The following ANKRD52 variants were observed in gnomAD, a reference collection of about 807,000 sequenced individuals.
ANKRD52 encodes the protein ankyrin repeat domain 52.
Under a neutral mutation model 116.0 loss-of-function variants are expected in ANKRD52, and 7 were observed. That is an observed-to-expected ratio of 0.06 (90% CI 0.03 to 0.11). The LOEUF (loss-of-function observed/expected upper bound fraction) is 0.11, where lower values mean the gene tolerates loss of function less well. Ranked by LOEUF, ANKRD52 falls within the 10% of genes least tolerant of loss-of-function variation. The pLI is 1.00. For synonymous variants in ANKRD52, 528 were observed against 578.1 expected (o/e 0.91, Z 1.24); for missense variants, 839 against 1,408.6 (o/e 0.60, Z 6.47).
At position 56,238,489 on chromosome 12, in the gene ANKRD52, GT is replaced by G. The variant is rs2135869960; in HGVS notation, c.*4652del. On this transcript the variant is annotated 3_prime_UTR_variant, in exon 28 of 28. Transcript: ENST00000267116. ...GGTCCCCACCCCAACCCTCTCCCCTGTCTTGCTGTCCCCCGCAGGGGAACTA... is the reference window on the plus strand; with the variant it reads ...GGTCCCCACCCCAACCCTCTCCCCTGCTTGCTGTCCCCCGCAGGGGAACTA... 1 of 150,940 alleles carries G rather than the reference GT, an allele frequency of 6.6e-6. No homozygotes were observed. Among genetic ancestry groups the G allele is most frequent in the East Asian group, 2.0e-4 (1 of 5,124 alleles). The allele number at this position is 150,940 out of a possible 1,614,324, so 9.4% of individuals were successfully genotyped here. A position where few individuals can be genotyped will look rare whatever the true frequency, so the allele number is the denominator to read the frequency against.
chr12:56,257,417 G>T (rs1872008125), intron 2 of ANKRD52, 56 bp from the exon 3 acceptor site: 1 of 1,442,642 alleles, frequency 6.9e-7, no homozygotes, highest in Non-Finnish European at 9.5e-7. Context: ...GGCTATCAAG[G>T]ACCCCAGCCC....
At position 56,242,161 on chromosome 12, in the gene ANKRD52, C is replaced by G. The variant is rs947875994; in HGVS notation, c.*981G>C. The G allele has an allele frequency of 5.0e-6, 2 of 398,478 alleles. No individual in the cohort carries two copies. The highest frequency in any genetic ancestry group is 7.1e-5 in the East Asian group (2 of 28,090). The allele number at this position is 398,478 out of a possible 1,614,324, so 24.7% of individuals were successfully genotyped here. A position where few individuals can be genotyped will look rare whatever the true frequency, so the allele number is the denominator to read the frequency against. ...GGCGGCACAGGAGGAAGAACATGGT[C>G]CCTCCCTCCATATACATGCAAACAC... On this transcript the variant is annotated 3_prime_UTR_variant, in exon 28 of 28. Transcript: ENST00000267116. This position sits in a 1 kb window ranked among gnomAD's most constrained non-coding sequence, Gnocchi z 4.3.
rs1871302292 is a variant in ANKRD52 at position 56,244,441 on chromosome 12, A to G, written c.2723-6T>C. ...CCCTCGATACAGCAGAAATTCTACGAGAGAAATGTGATAGAGGGACTGACC... is the reference window on the plus strand; with the variant it reads ...CCCTCGATACAGCAGAAATTCTACGGGAGAAATGTGATAGAGGGACTGACC... On this transcript the variant is annotated splice_polypyrimidine_tract_variant and splice_region_variant and intron_variant, in intron 24 of 27. Coordinates refer to ENST00000267116, the MANE Select transcript of ANKRD52 (RefSeq NM_173595.4). This position sits in a 1 kb window ranked among gnomAD's most constrained non-coding sequence, Gnocchi z 4.9. 6.2e-7 allele frequency: 1 copy of G among 1,613,772 alleles called. No homozygotes were observed. The highest frequency in any genetic ancestry group is 8.5e-7 in the Non-Finnish European group (1 of 1,179,840).
At position 56,244,601 on chromosome 12, in the gene ANKRD52, C is replaced by G; in HGVS notation, c.2722+51G>C. 6.2e-7 allele frequency: 1 copy of G among 1,609,364 alleles called. No homozygotes were observed. The highest frequency in any genetic ancestry group is 8.5e-7 in the Non-Finnish European group (1 of 1,177,514). On this transcript the variant is annotated intron_variant, in intron 24 of 27. Transcript: ENST00000267116. This position sits in a 1 kb window ranked among gnomAD's most constrained non-coding sequence, Gnocchi z 4.9. ...CCTCCACAGGCAGGGCTGACCCATC[C>G]TGCAAATGCCCCAGGGGAGCTCCTC...
rs760730978 is a variant in ANKRD52, at chr12:56,252,961, G to A, written c.1183+43C>T. 17 of 1,589,264 alleles carry A rather than the reference G, an allele frequency of 1.1e-5. No homozygotes were observed. The highest frequency in any genetic ancestry group is 1.5e-5 in the Non-Finnish European group (17 of 1,167,190). ...GTTCAGCAGGGAGGGAAAGGCCTTT[G>A]CTCTCCTATACACCTGCCAATCCCC... On this transcript the variant is annotated intron_variant, in intron 11 of 27. Transcript: ENST00000267116. The surrounding 1 kb of genome is among the most constrained non-coding windows in gnomAD (Gnocchi z 4.7).
rs370448193 is a variant in ANKRD52, at chr12:56,254,151, C to T, written c.822G>A (p.Thr274=). Residue 274 remains threonine (T), a synonymous_variant, in exon 8 of 28, where the codon ACG becomes ACA. Transcript: ENST00000267116. This position sits in a 1 kb window ranked among gnomAD's most constrained non-coding sequence, Gnocchi z 4.6. ...TGGAGACTGCAGCCACATGCAGTGG[C>T]GTGAAGCCCTTGTCATTCGGCTGGT... is the stretch of plus-strand genomic sequence containing the variant. ...NVNQPNDKGF[T]PLHVAAVSTN... 19 of 1,613,768 alleles carry T rather than the reference C, an allele frequency of 1.2e-5. No individual in the cohort carries two copies. The highest frequency in any genetic ancestry group is 4.5e-5 in the East Asian group (2 of 44,866).
At position 56,240,968 on chromosome 12, in the gene ANKRD52, C is replaced by A. The variant is rs1202652296; in HGVS notation, c.*2174G>T. The A allele has an allele frequency of 2.0e-5, 3 of 152,232 alleles. No homozygotes were observed. The highest frequency in any genetic ancestry group is 4.4e-5 in the Non-Finnish European group (3 of 68,060). 9.4% of individuals were successfully genotyped at this position (152,232 alleles called of 1,614,324 possible). On this transcript the variant is annotated 3_prime_UTR_variant, in exon 28 of 28. Coordinates refer to ENST00000267116, the MANE Select transcript of ANKRD52 (RefSeq NM_173595.4). This position sits in a 1 kb window ranked among gnomAD's most constrained non-coding sequence, Gnocchi z 4.2. ...CCATCTTCTCACTCCCCTTGCCCCC[C>A]ACCACCTAATTCCCAGCACCAAGAT...
At chr12:56,257,761 G>C in intron 2 of ANKRD52, 67 bp downstream of exon 2, 2 of 1,493,224 alleles carry the variant, frequency 1.3e-6, no homozygotes, top group South Asian at 1.2e-5. Flanking sequence ...CGCCCCACCG[G>C]TGGGGAGGGG....
In ANKRD52 at chr12:56,256,984, T is replaced by C. The variant is rs750847877; in HGVS notation, c.261+31A>G. On this transcript the variant is annotated intron_variant, in intron 4 of 27. Coordinates refer to ENST00000267116, the MANE Select transcript of ANKRD52 (RefSeq NM_173595.4). ...CCACCTTTAAGCAACTTATCCTTTT[T>C]GAAAGGGTAATAGAAGGTGGGGGTG... 3.8e-6 allele frequency: 6 copies of C among 1,597,504 alleles called. No homozygotes were observed. In the Admixed American group the frequency reaches 1.1e-4, roughly 28 times the overall value.
intron 15 of ANKRD52, among the ~76,000 whole-genome samples, chr12:56,251,762 C>T (rs1871704171): frequency 6.9e-6 from 1 of 145,372 alleles, no homozygotes; most frequent in South Asian, 2.3e-4. Flanking sequence ...AAAAAAAAAT[C>T]CATTCCTTTA....
In ANKRD52 at chr12:56,255,340, G is replaced by A. The variant is rs372092337; in HGVS notation, c.463-388C>T. 1.2e-4 allele frequency among the ~76,000 whole-genome samples: 18 copies of A among 152,120 alleles called. 1 individual carries two copies. Among genetic ancestry groups the A allele is most frequent in the East Asian group, 7.7e-4 (4 of 5,176 alleles). ...CGAGTAGCTGGGACTACAGGCGGCC[G>A]CCACCACACCCGGCTAATTTTTTGT... On this transcript the variant is annotated intron_variant, in intron 5 of 27. Transcript: ENST00000267116. The surrounding 1 kb of genome is among the most constrained non-coding windows in gnomAD (Gnocchi z 4.3).
chr12:56,252,587 T>G lies in ANKRD52; in HGVS notation c.1302-17A>C, dbSNP rs534135262. 6 of 1,612,646 alleles carry G rather than the reference T, an allele frequency of 3.7e-6. No individual in the cohort carries two copies. In the African/African-American group the frequency reaches 8.0e-5, roughly 21 times the overall value. On this transcript the variant is annotated splice_polypyrimidine_tract_variant and intron_variant, in intron 12 of 27. Coordinates refer to ENST00000267116, the MANE Select transcript of ANKRD52 (RefSeq NM_173595.4). The surrounding 1 kb of genome is among the most constrained non-coding windows in gnomAD (Gnocchi z 4.7). The stretch of plus-strand genomic sequence containing the variant: ...TCAACATTCCTAAAAGAAAGATGTG[T>G]TAAGAGAGTTACAGCCTCAAAGGGA...
rs1375042156 is a variant in ANKRD52, at chr12:56,247,847, T to TG, written c.1979-74dup. On this transcript the variant is annotated intron_variant, in intron 18 of 27. Transcript: ENST00000267116. Reference sequence around the variant, plus strand: ...GAGGCAAGGTCAAGCCTAAAGGACTTGGGGTCAATGTTACAGAAAGACCTG... The same window carrying TG: ...GAGGCAAGGTCAAGCCTAAAGGACTTGGGGGTCAATGTTACAGAAAGACCTG... 2.7e-6 allele frequency: 4 copies of TG among 1,490,182 alleles called. No homozygotes were observed. In the African/African-American group the frequency reaches 4.1e-5, roughly 15 times the overall value. The allele number at this position is 1,490,182 out of a possible 1,614,324, so 92.3% of individuals were successfully genotyped here. A position where few individuals can be genotyped will look rare whatever the true frequency, so the allele number is the denominator to read the frequency against.
In ANKRD52 at chr12:56,255,016, C is replaced by T. The variant is rs991205947; in HGVS notation, c.463-64G>A. ...TTCGTGCCCTCAACCTACCTAAGAG[C>T]AGAGGCCTCATCTCCTGAAAAGGCT... On this transcript the variant is annotated intron_variant, in intron 5 of 27. Coordinates refer to ENST00000267116, the MANE Select transcript of ANKRD52 (RefSeq NM_173595.4). The surrounding 1 kb of genome is among the most constrained non-coding windows in gnomAD (Gnocchi z 4.3). 1.4e-5 allele frequency: 22 copies of T among 1,531,916 alleles called. No homozygotes were observed. Among genetic ancestry groups the T allele is most frequent in the Non-Finnish European group, 1.8e-5 (20 of 1,109,530 alleles). The allele number at this position is 1,531,916 out of a possible 1,614,324, so 94.9% of individuals were successfully genotyped here. A position where few individuals can be genotyped will look rare whatever the true frequency, so the allele number is the denominator to read the frequency against.
In ANKRD52 at chr12:56,244,083, G is replaced by A. The variant is rs1384655605; in HGVS notation, c.2856C>T (p.Gly952=). 2 of 1,613,828 alleles carry A rather than the reference G, an allele frequency of 1.2e-6. No homozygotes were observed. Among genetic ancestry groups the A allele is most frequent in the Non-Finnish European group, 1.7e-6 (2 of 1,179,896 alleles). Residue 952 remains glycine, a synonymous_variant, in exon 26 of 28, where the codon GGC becomes GGT. Coordinates refer to ENST00000267116, the MANE Select transcript of ANKRD52 (RefSeq NM_173595.4). This position sits in a 1 kb window ranked among gnomAD's most constrained non-coding sequence, Gnocchi z 4.9. ...GCGCACTGTTGGTAGCATTGATAAG[G>A]CCAAGGTCTTGGGTTTCTGCCAGGA... ...LMILAETQDL[G]LINATNSALQ...
rs1428548298 is a variant in ANKRD52 at position 56,243,196 on chromosome 12, G to A, written c.3177C>T (p.Pro1059=). 3.1e-6 allele frequency: 5 copies of A among 1,612,498 alleles called. No individual in the cohort carries two copies. Among genetic ancestry groups the A allele is most frequent in the Non-Finnish European group, 4.2e-6 (5 of 1,179,404 alleles). ...CGALPHGASC[P]YSQERPGAIG... ...TGGCGCCGGGCCGCTCCTGGCTGTA[G>A]GGGCAGGAGGCCCCATGGGGCAGGG... is the stretch of plus-strand genomic sequence containing the variant. Residue 1059 remains proline, a synonymous_variant, in exon 28 of 28, where the codon CCC becomes CCT. Transcript: ENST00000267116. This position sits in a 1 kb window ranked among gnomAD's most constrained non-coding sequence, Gnocchi z 4.6.
chr12:56,257,296 C>T lies in ANKRD52; in HGVS notation c.177G>A (p.Leu59=). 6 of 1,596,686 alleles carry T rather than the reference C, an allele frequency of 3.8e-6. No individual in the cohort carries two copies. The highest frequency in any genetic ancestry group is 5.1e-6 in the Non-Finnish European group (6 of 1,171,582). ...CCCCACTTTCACCTGACATCAGTAG[C>T]AACTGGAGGATGGGGACATCGCCTA... is the stretch of plus-strand genomic sequence containing the variant. ...AYVGDVPILQ[L]LLMSGANVNA... The change falls in exon 3 of 28, where the codon TTG becomes TTA. Residue 59 remains leucine (L), a synonymous_variant. Coordinates refer to ENST00000267116, the MANE Select transcript of ANKRD52 (RefSeq NM_173595.4).
rs75080338 is a variant in ANKRD52, at chr12:56,247,401, C to T, written c.2184+92G>A. On this transcript the variant is annotated intron_variant, in intron 20 of 27. Transcript: ENST00000267116. ...AAGACGGCACAAAATCCTGGCTTGC[C>T]TCCTAGACAATTGGATTCCCTACTG... 297 of 1,078,084 alleles carry T rather than the reference C, an allele frequency of 2.8e-4. 2 individuals carry two copies. The highest frequency in any genetic ancestry group is 1.7e-3 in the African/African-American group (108 of 62,166). The allele number at this position is 1,078,084 out of a possible 1,614,324, so 66.8% of individuals were successfully genotyped here. A position where few individuals can be genotyped will look rare whatever the true frequency, so the allele number is the denominator to read the frequency against.
In ANKRD52 at chr12:56,244,620, G is replaced by A; in HGVS notation, c.2722+32C>T. On this transcript the variant is annotated intron_variant, in intron 24 of 27. Coordinates refer to ENST00000267116, the MANE Select transcript of ANKRD52 (RefSeq NM_173595.4). The surrounding 1 kb of genome is among the most constrained non-coding windows in gnomAD (Gnocchi z 4.9). ...CCCATCCTGCAAATGCCCCAGGGGA[G>A]CTCCTCCCTTCCACAAGTGGCCCCT... is the stretch of plus-strand genomic sequence containing the variant. 6.2e-7 allele frequency: 1 copy of A among 1,612,098 alleles called. No homozygotes were observed. Among genetic ancestry groups the A allele is most frequent in the Admixed American group, 1.7e-5 (1 of 59,992 alleles).
Sources: gnomAD v4.1 joint callset for allele counts (sites outside exome capture counted in the v4.1 genomes callset) on GRCh38, gnomAD v4.1.1 for gene constraint, Gnocchi (gnomAD v3.1) non-coding constraint, MANE v1.5 for transcripts, NCBI Gene and HGNC (gene_info 2026-07-23, HGNC 2026-07-21) for gene names.